MORC2: variants seen among roughly 807,000 people sequenced by gnomAD.
MORC2 encodes MORC family CW-type zinc finger 2.
Under a neutral mutation model 136.0 loss-of-function variants are expected in MORC2, and 30 were observed. That is an observed-to-expected ratio of 0.22 (90% CI 0.17 to 0.30). The LOEUF (loss-of-function observed/expected upper bound fraction) is 0.30. MORC2 is among the 10% of genes least tolerant of loss of function. The pLI, the probability that MORC2 is intolerant of heterozygous loss-of-function variation, is 1.00. For synonymous variants in MORC2, 439 were observed against 487.0 expected, an observed-to-expected ratio of 0.90 and a Z score of 1.30; for missense variants, 922 against 1,333.1, an observed-to-expected ratio of 0.69 and a Z score of 4.80.
At chr22:30,936,842 G>T in intron 16 of MORC2, 90 bp downstream of exon 16, 1 of 1,351,220 alleles carries the variant, frequency 7.4e-7, no homozygotes, top group Non-Finnish European at 1.0e-6. Context: ...GCAAGACAGA[G>T]ATGTAAGGTA....
rs369929815 is a variant in MORC2, at chr22:30,935,177, C to G, written c.1813-16G>C. On this transcript the variant is annotated splice_polypyrimidine_tract_variant and intron_variant, in intron 18 of 25. Coordinates refer to ENST00000397641, the MANE Select transcript of MORC2 (RefSeq NM_001303256.3). ...GCACAGGTTCCTAAAAAAAGGCCCA[C>G]AGAGAGTGAGAACACTGATCCTAGC... The G allele has an allele frequency of 6.2e-7, 1 of 1,611,992 alleles. No homozygotes were observed. Among genetic ancestry groups the G allele is most frequent in the Non-Finnish European group, 8.5e-7 (1 of 1,178,938 alleles).
At chr22:30,951,948 C>T (rs548271108) in intron 3 of MORC2, among the ~76,000 whole-genome samples, 1 of 151,956 alleles carries the variant, frequency 6.6e-6, no homozygotes, top group East Asian at 1.9e-4. Context: ...TTCTGTAAGG[C>T]TATAAACCAC....
At chr22:30,960,960 G>A (rs1234279813) in intron 1 of MORC2, among the ~76,000 whole-genome samples, 2 of 151,890 alleles carry the variant, frequency 1.3e-5, no homozygotes, top group African/African-American at 2.4e-5. Context: ...CTGCCTCCAG[G>A]GTTCAAGCAA....
Position 30,935,256 on chromosome 22 carries a change from A to T in MORC2, c.1804T>A (p.Ser602Thr). Reference protein sequence around the residue: ...KLPLEVTTRPSTEEPVRRPQR... With the variant: ...KLPLEVTTRPTTEEPVRRPQR... ...AGGCCCCTGGACTTCACCTCAGTGG[A>T]AGGTCTGGTGGTCACTTCCAAGGGC... The change falls in exon 18 of 26, where the codon TCC (serine) becomes ACC (threonine). Residue 602 changes from serine to threonine, a missense_variant. Around this residue, in one of 9 missense-constraint regions of MORC2, gnomAD observed 184 missense variants for 180.3 expected, o/e 1.02. Coordinates refer to ENST00000397641, the MANE Select transcript of MORC2 (RefSeq NM_001303256.3). 5 of 1,613,640 alleles carry T rather than the reference A, an allele frequency of 3.1e-6. No homozygotes were observed. Among genetic ancestry groups the T allele is most frequent in the Non-Finnish European group, 4.2e-6 (5 of 1,179,862 alleles).
rs376140991 is a variant in MORC2, at chr22:30,928,121, G to C, written c.2928C>G (p.Ser976=). The C allele has an allele frequency of 6.2e-7, 1 of 1,614,012 alleles. No individual in the cohort carries two copies. Among genetic ancestry groups the C allele is most frequent in the African/African-American group, 1.3e-5 (1 of 74,924 alleles). Residue 976 remains serine (S), a synonymous_variant, in exon 25 of 26, where the codon TCC becomes TCG. Transcript: ENST00000397641. The part of the protein sequence containing the change: ...QSRADSRAKA[S]EESLRTSERK... ...TCTCGGAGGTGCGCAGGCTTTCCTC[G>C]GAGGCCTTGGCCCGGGAGTCAGCAC...
chr22:30,936,950 G>T lies in MORC2; in HGVS notation c.1586C>A (p.Pro529His). The change falls in exon 16 of 26, where the codon CCT becomes CAT. Residue 529 changes from proline to histidine, a missense_variant. Coordinates refer to ENST00000397641, the MANE Select transcript of MORC2 (RefSeq NM_001303256.3). The stretch of plus-strand genomic sequence containing the variant: ...TGCTCACCGGTCCTGTTCAGGATCA[G>T]GGTTCATGGAGCAAACCCAGGTGTC... ...YPDTWVCSMN[P>H]DPEQDRCEAS... is the part of the protein sequence containing the mutation. The T allele has an allele frequency of 3.1e-6, 5 of 1,613,924 alleles. No homozygotes were observed. The highest frequency in any genetic ancestry group is 4.2e-6 in the Non-Finnish European group (5 of 1,179,802).
chr22:30,927,913 G>T, intron 25 of MORC2, 106 bp downstream of exon 25: 2 of 1,375,900 alleles, frequency 1.5e-6, no homozygotes, highest in South Asian at 1.3e-5. Context: ...GAGAACCATA[G>T]ATTCCTGTGA....
intron 12 of MORC2, among the ~76,000 whole-genome samples, chr22:30,938,485 A>G (rs1161753244): frequency 6.6e-6 from 1 of 152,208 alleles, no homozygotes; most frequent in Non-Finnish European, 1.5e-5. Flanking sequence ...AGCTGCTGCA[A>G]ATCTGTGCAA....
At position 30,925,528 on chromosome 22, in the gene MORC2, AGAG is replaced by A. The variant is rs2040470646; in HGVS notation, c.*1272_*1274del. ...TGCTTCCCAGTCTTCTGCTGACCTC[AGAG>A]GAGCAGGGTGGCCATTGCTGATCTG... On this transcript the variant is annotated 3_prime_UTR_variant, in exon 26 of 26. Transcript: ENST00000397641. 1 of 156,124 alleles carries A rather than the reference AGAG, an allele frequency of 6.4e-6. No individual in the cohort carries two copies. Among genetic ancestry groups the A allele is most frequent in the Non-Finnish European group, 1.4e-5 (1 of 69,808 alleles). 9.7% of individuals were successfully genotyped at this position (156,124 alleles called of 1,614,324 possible).
chr22:30,940,840 G>T lies in MORC2; in HGVS notation c.825-3C>A, dbSNP rs752040112. The T allele has an allele frequency of 1.2e-6, 2 of 1,613,718 alleles. No homozygotes were observed. The highest frequency in any genetic ancestry group is 2.7e-5 in the African/African-American group (2 of 74,882). ...GGCTTGACGTGTACTTGTACATCCT[G>T]ATCAGTAGAAAAAGCAAGCTGATGG... On this transcript the variant is annotated splice_polypyrimidine_tract_variant and splice_region_variant and intron_variant, in intron 9 of 25. Transcript: ENST00000397641.
In MORC2 at chr22:30,932,489, G is replaced by A. The variant is rs753682452; in HGVS notation, c.2748-37C>T. 1 of 1,611,566 alleles carries A rather than the reference G, an allele frequency of 6.2e-7. No homozygotes were observed. The highest frequency in any genetic ancestry group is 1.1e-5 in the South Asian group (1 of 91,000). ...AGGGACAGTAATTCAGAATGGCATG[G>A]AGCAGGCAGAGAGCTGCTGCTGGCC... On this transcript the variant is annotated intron_variant, in intron 23 of 25. Coordinates refer to ENST00000397641, the MANE Select transcript of MORC2 (RefSeq NM_001303256.3). The surrounding 1 kb of genome is among the most constrained non-coding windows in gnomAD (Gnocchi z 4.4).
At chr22:30,948,956 G>A (rs1426823168) in intron 5 of MORC2, among the ~76,000 whole-genome samples, 3 of 152,106 alleles carry the variant, frequency 2.0e-5, no homozygotes, top group African/African-American at 4.8e-5. Flanking sequence ...AAGCACAACT[G>A]CACACAAGGC....
intron 4 of MORC2, 41 bp downstream of exon 4, chr22:30,950,336 C>CGCGGGGGGGG: frequency 3.9e-6 from 3 of 763,998 alleles, no homozygotes; most frequent in Non-Finnish European, 4.7e-6. Context: ...ATGGTTACAT[C>CGCGGGGGGGG]GCACCCCCCC....
chr22:30,958,783 T>A, intron 1 of MORC2, 89 bp from the exon 2 acceptor site: 1 of 1,264,710 alleles, frequency 7.9e-7, no homozygotes, highest in African/African-American at 1.5e-5. Flanking sequence ...ATTTAAGTTT[T>A]TTGAAAAAAA....
chr22:30,940,122 C>G, intron 10 of MORC2, 81 bp from the exon 11 acceptor site: 1 of 1,382,616 alleles, frequency 7.2e-7, no homozygotes, highest in Non-Finnish European at 1.0e-6. Flanking sequence ...CAGTACTGGA[C>G]ACGAAGTGTG....
At chr22:30,955,779 C>T (rs2147300617) in intron 3 of MORC2, among the ~76,000 whole-genome samples, 1 of 152,172 alleles carries the variant, frequency 6.6e-6, no homozygotes. Context: ...GAGGCCGAGG[C>T]AGGCAGATCA....
intron 1 of MORC2, among the ~76,000 whole-genome samples, chr22:30,959,247 C>T (rs1202952625): frequency 6.6e-6 from 1 of 152,178 alleles, no homozygotes; most frequent in Non-Finnish European, 1.5e-5. Context: ...GAGATGACCA[C>T]TGGTTCCCCT....
At chr22:30,954,644 T>C (rs1370875094) in intron 3 of MORC2, among the ~76,000 whole-genome samples, 1 of 152,196 alleles carries the variant, frequency 6.6e-6, no homozygotes, top group East Asian at 1.9e-4. Flanking sequence ...TCCTTTTTCA[T>C]TTAAATTGAA....
Position 30,968,685 on chromosome 22 carries a change from C to A in MORC2, c.-796G>T, listed in dbSNP as rs1019061024. Among the ~76,000 whole-genome samples the A allele has an allele frequency of 6.6e-6, 1 of 152,136 alleles. No homozygotes were observed. Among genetic ancestry groups the A allele is most frequent in the Non-Finnish European group, 1.5e-5 (1 of 68,022 alleles). ...CCTCGGTCCCGTGGCCGCCTCCCCA[C>A]GAAGAGGAGCTACTCCCGGCTTCCA... On this transcript the variant is annotated 5_prime_UTR_variant, in exon 1 of 26. Coordinates refer to ENST00000397641, the MANE Select transcript of MORC2 (RefSeq NM_001303256.3).
Sources: gnomAD v4.1 joint callset for allele counts (sites outside exome capture counted in the v4.1 genomes callset) on GRCh38, gnomAD v4.1.1 for gene constraint, gnomAD v4.1.1 regional missense constraint, Gnocchi (gnomAD v3.1) non-coding constraint, MANE v1.5 for transcripts, NCBI Gene and HGNC (gene_info 2026-07-23, HGNC 2026-07-21) for gene names.